OLFM3: variants seen among roughly 807,000 people sequenced by gnomAD.
The protein encoded by OLFM3 is olfactomedin 3.
A neutral mutation model predicts 48.6 loss-of-function variants in OLFM3; 20 were observed. The ratio of observed to expected loss-of-function variants is 0.41; its 90% CI spans 0.29 to 0.60. OLFM3 has a LOEUF of 0.60. Among genes scored for constraint, OLFM3 ranks in the 20% least tolerant of loss-of-function variants. OLFM3 has a pLI of 0.28. For missense variants in OLFM3, 437 were observed against 544.3 expected, an observed-to-expected ratio of 0.80 and a Z score of 1.96; for synonymous variants, 222 against 198.1, an observed-to-expected ratio of 1.12 and a Z score of -1.01.
At chr1:101,960,315 C>T (rs934769456) in intron 1 of OLFM3, among the ~76,000 whole-genome samples, 36 of 152,142 alleles carry the variant, frequency 2.4e-4, no homozygotes, top group Admixed American at 1.6e-3. Context: ...AGAACTCAGA[C>T]GCATTGTGAC....
At chr1:101,818,293 A>C (rs185468131) in intron 4 of OLFM3, among the ~76,000 whole-genome samples, 3 of 152,226 alleles carry the variant, frequency 2.0e-5, no homozygotes, top group Non-Finnish European at 4.4e-5. Flanking sequence ...TATAATCTAG[A>C]AAAATGTAGG....
intron 1 of OLFM3, among the ~76,000 whole-genome samples, chr1:101,960,171 C>A (rs2101082528): frequency 6.6e-6 from 1 of 152,184 alleles, no homozygotes; most frequent in Non-Finnish European, 1.5e-5. Context: ...TGGTTGGTAC[C>A]TAGAGAGATT....
In OLFM3 at chr1:101,958,097, G is replaced by A. The variant is rs187340543; in HGVS notation, c.69+38651C>T. Reference sequence around the variant, plus strand: ...ATCACCTATTCTGTCTCTAATTACTGAGCCTGTAATAGCTAACCCAATTTC... The same window carrying A: ...ATCACCTATTCTGTCTCTAATTACTAAGCCTGTAATAGCTAACCCAATTTC... On this transcript the variant is annotated intron_variant, in intron 1 of 5. Coordinates refer to ENST00000370103, the MANE Select transcript of OLFM3 (RefSeq NM_058170.4). 7.2e-5 allele frequency among the ~76,000 whole-genome samples: 11 copies of A among 152,014 alleles called. 1 individual carries two copies. The highest frequency in any genetic ancestry group is 7.2e-4 in the Admixed American group (11 of 15,240).
At chr1:101,981,495 C>G (rs1661104955) in intron 1 of OLFM3, among the ~76,000 whole-genome samples, 1 of 152,182 alleles carries the variant, frequency 6.6e-6, no homozygotes, top group South Asian at 2.1e-4. Flanking sequence ...ATTTCTTTTA[C>G]AGCAAAACTC....
chr1:101,935,821 C>T (rs911905294), intron 1 of OLFM3, among the ~76,000 whole-genome samples: 2 of 151,990 alleles, frequency 1.3e-5, no homozygotes, highest in African/African-American at 2.4e-5. Context: ...ATTAAACATA[C>T]ACAAATCCAT....
chr1:101,955,404 C>G (rs1465875159), intron 1 of OLFM3, among the ~76,000 whole-genome samples: 3 of 151,954 alleles, frequency 2.0e-5, no homozygotes, highest in Non-Finnish European at 4.4e-5. Flanking sequence ...TACTTGACAT[C>G]TTTAACCTTT....
At chr1:101,909,970 A>G (rs1658693666) in intron 1 of OLFM3, 1 of 985,278 alleles carries the variant, frequency 1.0e-6, no homozygotes, top group Non-Finnish European at 1.2e-6. Context: ...AAGGTACCAC[A>G]TAAGCATAGC....
At chr1:101,919,388 C>T (rs1570630538) in intron 1 of OLFM3, among the ~76,000 whole-genome samples, 2 of 152,018 alleles carry the variant, frequency 1.3e-5, no homozygotes, top group African/African-American at 2.4e-5. Context: ...TCCCGTTATA[C>T]GGAAACGTAA....
At chr1:101,838,225 A>T (rs1169237953) in intron 1 of OLFM3, among the ~76,000 whole-genome samples, 1 of 151,964 alleles carries the variant, frequency 6.6e-6, no homozygotes, top group Non-Finnish European at 1.5e-5. Flanking sequence ...TGTCTGGCTA[A>T]TTTTTGTATT....
chr1:101,897,597 C>T (rs1427051888), intron 1 of OLFM3, among the ~76,000 whole-genome samples: 1 of 152,040 alleles, frequency 6.6e-6, no homozygotes, highest in African/African-American at 2.4e-5. Flanking sequence ...AATCAGTTTG[C>T]AACCACAAGA....
chr1:101,958,011 A>G (rs2101079589), intron 1 of OLFM3, among the ~76,000 whole-genome samples: 1 of 152,196 alleles, frequency 6.6e-6, no homozygotes, highest in South Asian at 2.1e-4. Flanking sequence ...TTATGTGGCT[A>G]AATGAATGAG....
intron 1 of OLFM3, among the ~76,000 whole-genome samples, chr1:101,884,226 A>G (rs1012387117): frequency 6.6e-6 from 1 of 152,026 alleles, no homozygotes; most frequent in African/African-American, 2.4e-5. Flanking sequence ...TATAAAAAAG[A>G]AAAGTCATTA....
chr1:101,927,705 T>G (rs1659315161), intron 1 of OLFM3, among the ~76,000 whole-genome samples: 2 of 150,010 alleles, frequency 1.3e-5, no homozygotes, highest in Admixed American at 1.3e-4. Flanking sequence ...TATATATGTA[T>G]AATTATACAA....
intron 2 of OLFM3, among the ~76,000 whole-genome samples, chr1:101,832,780 C>G (rs1157638604): frequency 6.6e-6 from 1 of 152,154 alleles, no homozygotes; most frequent in Non-Finnish European, 1.5e-5. Context: ...GGTTAGGCAA[C>G]AGCATTATAG....
chr1:101,840,448 G>T (rs1655662329), intron 1 of OLFM3, among the ~76,000 whole-genome samples: 1 of 150,376 alleles, frequency 6.6e-6, no homozygotes, highest in South Asian at 2.1e-4. Flanking sequence ...CCTGGGATTT[G>T]TACTGAGAGA....
chr1:101,988,598 C>G (rs1429979472), intron 1 of OLFM3, among the ~76,000 whole-genome samples: 1 of 151,872 alleles, frequency 6.6e-6, no homozygotes. Context: ...ATCATTTAAC[C>G]CAGGATTTCA....
At chr1:101,826,840 T>C (rs1444655035) in intron 3 of OLFM3, among the ~76,000 whole-genome samples, 2 of 152,228 alleles carry the variant, frequency 1.3e-5, no homozygotes, top group African/African-American at 4.8e-5. Flanking sequence ...TATCATTTTC[T>C]GCACATTATA....
At chr1:101,935,693 T>C (rs1185314100) in intron 1 of OLFM3, among the ~76,000 whole-genome samples, 2 of 152,140 alleles carry the variant, frequency 1.3e-5, no homozygotes, top group Non-Finnish European at 2.9e-5. Flanking sequence ...TACAGGGAAG[T>C]ATTTTTTATG....
chr1:101,834,431 T>G (rs1655305295), intron 2 of OLFM3, among the ~76,000 whole-genome samples: 1 of 152,224 alleles, frequency 6.6e-6, no homozygotes, highest in Non-Finnish European at 1.5e-5. Context: ...TAAATCAATC[T>G]TTTTGGTTAA....
Sources: gnomAD v4.1 joint callset for allele counts (sites outside exome capture counted in the v4.1 genomes callset) on GRCh38, gnomAD v4.1.1 for gene constraint, MANE v1.5 for transcripts, NCBI Gene and HGNC (gene_info 2026-07-23, HGNC 2026-07-21) for gene names.